The following MYOM2 variants were observed in gnomAD, a reference collection of about 807,000 sequenced individuals.
The protein encoded by MYOM2 is myomesin 2.
A neutral mutation model predicts 187.6 loss-of-function variants in MYOM2; 254 were observed. The ratio of observed to expected loss-of-function variants is 1.35; its 90% CI spans 1.22 to 1.50. The LOEUF (loss-of-function observed/expected upper bound fraction) is 1.50, where lower values mean the gene tolerates loss of function less well. Ranked by LOEUF, MYOM2 falls within the 40% of genes most tolerant of loss-of-function variation. The probability of loss-of-function intolerance (pLI) is 0.00; values close to 1 mark genes in which losing one functional copy is unlikely to be tolerated. For missense variants in MYOM2, 2,796 were observed against 1,924.0 expected, an observed-to-expected ratio of 1.45 and a Z score of -8.48; for synonymous variants, 981 against 753.8, an observed-to-expected ratio of 1.30 and a Z score of -4.94.
intron 13 of MYOM2, chr8:2,082,226 A>ATTGATATGAG (rs1167887464): frequency 1.3e-5 from 2 of 152,204 alleles, no homozygotes; most frequent in East Asian, 3.9e-4. Flanking sequence ...GGTTTTGGAA[A>ATTGATATGAG]GTTTATCTGT....
chr8:2,135,374 T>G (rs891239445), intron 32 of MYOM2, among the ~76,000 whole-genome samples: 6 of 152,228 alleles, frequency 3.9e-5, no homozygotes, highest in Non-Finnish European at 8.8e-5. Context: ...CATTTGTTAC[T>G]GTTCGTATTT....
chr8:2,050,621 A>G (rs1450182453), intron 1 of MYOM2, 134 bp from the exon 2 acceptor site: 7 of 534,202 alleles, frequency 1.3e-5, no homozygotes, highest in Non-Finnish European at 2.4e-5. Flanking sequence ...TGGCCATGTA[A>G]TCTTTCATTT....
chr8:2,057,514 T>A (rs780178513), intron 4 of MYOM2, 28 bp downstream of exon 4: 7 of 1,613,628 alleles, frequency 4.3e-6, no homozygotes, highest in Non-Finnish European at 2.5e-6. Flanking sequence ...TGGCTGGGTG[T>A]CTGGGAAGCG....
At chr8:2,068,587 C>A in intron 6 of MYOM2, among the ~76,000 whole-genome samples, 1 of 152,022 alleles carries the variant, frequency 6.6e-6, no homozygotes, top group Non-Finnish European at 1.5e-5. Context: ...TCTTCAATGC[C>A]CATGTGCACT....
chr8:2,115,391 T>A (rs1439148518), intron 25 of MYOM2, among the ~76,000 whole-genome samples: 1 of 152,210 alleles, frequency 6.6e-6, no homozygotes, highest in African/African-American at 2.4e-5. Context: ...TATCTGTGCA[T>A]GTACTGTAGA....
chr8:2,052,801 C>G (rs1035515353), intron 3 of MYOM2, among the ~76,000 whole-genome samples: 3 of 152,234 alleles, frequency 2.0e-5, no homozygotes, highest in Non-Finnish European at 4.4e-5. Flanking sequence ...CAAGCAAGGT[C>G]ATCTTCCTAA....
At chr8:2,107,668 A>G (rs1191355049) in intron 23 of MYOM2, among the ~76,000 whole-genome samples, 1 of 152,154 alleles carries the variant, frequency 6.6e-6, no homozygotes, top group African/African-American at 2.4e-5. Context: ...AGGAGGCCGC[A>G]CTGTCTCGCC....
chr8:2,058,340 C>G (rs1304662507), intron 5 of MYOM2, among the ~76,000 whole-genome samples: 4 of 152,112 alleles, frequency 2.6e-5, no homozygotes, highest in South Asian at 4.1e-4. Flanking sequence ...TTAAAAGTCA[C>G]TACCCTGAAA....
At chr8:2,077,359 C>G (rs1431374900) in intron 11 of MYOM2, among the ~76,000 whole-genome samples, 2 of 151,792 alleles carry the variant, frequency 1.3e-5, no homozygotes, top group African/African-American at 4.8e-5. Flanking sequence ...AAAAAAACCA[C>G]AAAGGATGGT....
At chr8:2,143,281 C>A in intron 35 of MYOM2, 120 bp from the exon 36 acceptor site, 1 of 1,128,836 alleles carries the variant, frequency 8.9e-7, no homozygotes, top group South Asian at 1.3e-5. Context: ...GATGCTCGCT[C>A]TCTCCTGAGC....
intron 14 of MYOM2, among the ~76,000 whole-genome samples, chr8:2,089,565 G>C (rs949632001): frequency 2.0e-5 from 3 of 152,172 alleles, no homozygotes; most frequent in Non-Finnish European, 4.4e-5. Context: ...CAGCCATTTA[G>C]ATTGCTGTCA....
intron 28 of MYOM2, 76 bp downstream of exon 28, chr8:2,118,028 C>G (rs1255028130): frequency 7.6e-7 from 1 of 1,307,642 alleles, no homozygotes; most frequent in African/African-American, 1.5e-5. Context: ...CAGGGAGTAG[C>G]TGTGGCCAGA....
At position 2,085,283 on chromosome 8, in the gene MYOM2, C is replaced by G. The variant is rs142749566; in HGVS notation, c.1537C>G (p.Pro513Ala). The change falls in exon 14 of 37, where the codon CCT becomes GCT. Residue 513 changes from proline to alanine, a missense_variant. Physicochemically the swap from Pro to Ala is conservative, Grantham distance 27. Transcript: ENST00000262113. ...DLEGDAQVPG[P>A]PTGVHASEIS... ...TCCAGGTGACGCCCAGGTTCCAGGGCCTCCCACCGGTGTGCACGCTTCCGA... is the reference window on the plus strand; with the variant it reads ...TCCAGGTGACGCCCAGGTTCCAGGGGCTCCCACCGGTGTGCACGCTTCCGA... 1.2e-6 allele frequency: 2 copies of G among 1,614,056 alleles called. No individual in the cohort carries two copies. The highest frequency in any genetic ancestry group is 1.7e-6 in the Non-Finnish European group (2 of 1,179,980).
At chr8:2,133,970 C>A (rs56272745) in intron 32 of MYOM2, among the ~76,000 whole-genome samples, 4 of 143,280 alleles carry the variant, frequency 2.8e-5, no homozygotes, top group South Asian at 2.3e-4. Context: ...TTAACGTCTT[C>A]TGTAGCCACC....
chr8:2,066,424 T>C (rs1206454749), intron 6 of MYOM2, among the ~76,000 whole-genome samples: 1 of 152,194 alleles, frequency 6.6e-6, no homozygotes, highest in Non-Finnish European at 1.5e-5. Context: ...CCCTTGTTTC[T>C]CTCATCTGCT....
At chr8:2,108,007 G>T (rs1044335543) in intron 23 of MYOM2, among the ~76,000 whole-genome samples, 8 of 152,312 alleles carry the variant, frequency 5.3e-5, no homozygotes, top group African/African-American at 1.2e-4. Context: ...CTACCAGAAG[G>T]TTGAACTGGG....
At chr8:2,054,611 G>A (rs1396386209) in intron 3 of MYOM2, among the ~76,000 whole-genome samples, 2 of 152,202 alleles carry the variant, frequency 1.3e-5, no homozygotes, top group Non-Finnish European at 2.9e-5. Flanking sequence ...GAGGGTTAGA[G>A]GATAGTGGTG....
At chr8:2,100,173 CTT>C (rs1796656483) in intron 19 of MYOM2, among the ~76,000 whole-genome samples, 1 of 143,280 alleles carries the variant, frequency 7.0e-6, no homozygotes, top group Non-Finnish European at 1.5e-5. Flanking sequence ...TCCTTCCTTC[CTT>C]CCTTCCTTCC....
Position 2,078,788 on chromosome 8 carries a change from C to G in MYOM2, c.1317C>G (p.Ile439Met), listed in dbSNP as rs1419042271. 6.2e-7 allele frequency: 1 copy of G among 1,614,180 alleles called. No individual in the cohort carries two copies. Reference protein sequence around the residue: ...WVQCNDAPVKICKYPVTGLFE... With the variant: ...WVQCNDAPVKMCKYPVTGLFE... ...AGTGCAATGATGCACCGGTGAAAAT[C>G]TGCAAATACCCGGTCACAGGGCTTT... is the stretch of plus-strand genomic sequence containing the variant. Residue 439 changes from isoleucine (I) to methionine (M), a missense_variant, in exon 12 of 37, where the codon ATC (isoleucine) becomes ATG (methionine). Coordinates refer to ENST00000262113, the MANE Select transcript of MYOM2 (RefSeq NM_003970.4).
Sources: allele counts gnomAD v4.1 joint callset (sites outside exome capture counted in the v4.1 genomes callset), GRCh38; gene constraint gnomAD v4.1.1; transcripts MANE v1.5; gene names NCBI Gene and HGNC (gene_info 2026-07-23, HGNC 2026-07-21).